The following ASCC2 variants were observed in gnomAD, a reference collection of about 807,000 sequenced individuals.
ASCC2 encodes the protein ASC-1 complex subunit P100.
A neutral mutation model predicts 93.5 loss-of-function variants in ASCC2; 42 were observed. The observed-to-expected ratio is 0.45, with a 90% CI of 0.35 to 0.58. The LOEUF is 0.58. ASCC2 is among the 20% of genes least tolerant of loss of function. The probability of loss-of-function intolerance (pLI) is 0.00; values close to 1 mark genes in which losing one functional copy is unlikely to be tolerated. For missense variants in ASCC2, 859 were observed against 977.6 expected, an observed-to-expected ratio of 0.88 and a Z score of 1.62; for synonymous variants, 364 against 384.2, an observed-to-expected ratio of 0.95 and a Z score of 0.62.
rs2068468425 is a variant in ASCC2, at chr22:29,788,806, C to T, written c.*207G>A. 5 of 598,172 alleles carry T rather than the reference C, an allele frequency of 8.4e-6. No homozygotes were observed. Among genetic ancestry groups the T allele is most frequent in the African/African-American group, 1.9e-5 (1 of 53,686 alleles). 37.1% of individuals were successfully genotyped at this position (598,172 alleles called of 1,614,324 possible). A position where few individuals can be genotyped will look rare whatever the true frequency, so the allele number is the denominator to read the frequency against. On this transcript the variant is annotated 3_prime_UTR_variant, in exon 20 of 20. Transcript: ENST00000307790. Reference sequence around the variant, plus strand: ...CTGCTTGCCGGCCCCACGGATTCTTCGGCTGTGGCATAAGGCACTGTGTGT... The same window carrying T: ...CTGCTTGCCGGCCCCACGGATTCTTTGGCTGTGGCATAAGGCACTGTGTGT...
In ASCC2 at chr22:29,788,954, T is replaced by A. The variant is rs1372021112; in HGVS notation, c.*59A>T. ...CCCCTAGTGAGGAGGCCCCAGGCGA[T>A]GGGAGCACGGCCTGGTGAGTCTGGT... is the stretch of plus-strand genomic sequence containing the variant. On this transcript the variant is annotated 3_prime_UTR_variant, in exon 20 of 20. Coordinates refer to ENST00000307790, the MANE Select transcript of ASCC2 (RefSeq NM_032204.5). 3.1e-6 allele frequency: 5 copies of A among 1,604,806 alleles called. No homozygotes were observed. In the Admixed American group the frequency reaches 5.0e-5, roughly 16 times the overall value.
intron 10 of ASCC2, 114 bp downstream of exon 10, chr22:29,806,683 C>A (rs2147801528): frequency 7.1e-7 from 1 of 1,418,430 alleles, no homozygotes; most frequent in Non-Finnish European, 9.8e-7. Context: ...GGTTTCTCAT[C>A]TCTGTTCAGC....
Position 29,822,393 on chromosome 22 carries a change from G to A in ASCC2, c.483C>T (p.Ile161=), listed in dbSNP as rs772435329. ...TTCCAAAGAGCACGCAGAGGTCCAGGATCTTTGGAATGTCAAAGAGGAAGT... is the reference window on the plus strand; with the variant it reads ...TTCCAAAGAGCACGCAGAGGTCCAGAATCTTTGGAATGTCAAAGAGGAAGT... The part of the protein sequence containing the change: ...YNNFLFDIPK[I]LDLCVLFGKG... Residue 161 remains isoleucine (I), a synonymous_variant, in exon 5 of 20, where the codon ATC becomes ATT. Transcript: ENST00000307790. 2.5e-6 allele frequency: 4 copies of A among 1,614,100 alleles called. No homozygotes were observed. Among genetic ancestry groups the A allele is most frequent in the Non-Finnish European group, 2.5e-6 (3 of 1,180,010 alleles).
chr22:29,832,156 T>C, intron 2 of ASCC2, 89 bp downstream of exon 2: 3 of 1,158,312 alleles, frequency 2.6e-6, no homozygotes, highest in Non-Finnish European at 3.8e-6. Flanking sequence ...GTGTCATTCT[T>C]GGAACAGATA....
In ASCC2 at chr22:29,823,037, T is replaced by A. The variant is rs143173697; in HGVS notation, c.412-573A>T. Among the ~76,000 whole-genome samples the A allele has an allele frequency of 1.6e-3, 244 of 150,150 alleles. 1 individual carries two copies. Among genetic ancestry groups the A allele is most frequent in the African/African-American group, 5.4e-3 (220 of 40,808 alleles). ...GCCCAGCCTCCCCTTTAAAAAAAAT[T>A]TTTTTTTAAATTTTATTTTTTGAGA... On this transcript the variant is annotated intron_variant, in intron 4 of 19. Transcript: ENST00000307790.
intron 2 of ASCC2, among the ~76,000 whole-genome samples, chr22:29,828,903 A>C (rs961382555): frequency 6.6e-6 from 1 of 152,222 alleles, no homozygotes; most frequent in Non-Finnish European, 1.5e-5. Flanking sequence ...GGCTGGGTAC[A>C]GTGGCTCATG....
At chr22:29,812,858 A>G (rs556776215) in intron 8 of ASCC2, among the ~76,000 whole-genome samples, 31 of 148,956 alleles carry the variant, frequency 2.1e-4, no homozygotes, top group Non-Finnish European at 3.6e-4. Context: ...AGGCTACTCT[A>G]TTGAACTGAA....
chr22:29,820,001 A>T (rs568656891), intron 5 of ASCC2, among the ~76,000 whole-genome samples: 23 of 152,198 alleles, frequency 1.5e-4, no homozygotes, highest in African/African-American at 5.5e-4. Flanking sequence ...CTGAGACTAC[A>T]GGGGCATGCC....
chr22:29,800,911 G>A, intron 15 of ASCC2, 80 bp downstream of exon 15: 1 of 1,491,980 alleles, frequency 6.7e-7, no homozygotes, highest in Non-Finnish European at 9.0e-7. Context: ...ATTCTGCGAA[G>A]ATGGAGCCCT....
intron 13 of ASCC2, among the ~76,000 whole-genome samples, chr22:29,804,328 A>C (rs1172564967): frequency 6.6e-6 from 1 of 151,678 alleles, no homozygotes; most frequent in Non-Finnish European, 1.5e-5. Flanking sequence ...ATCTATTTAG[A>C]GGAGAGCTCC....
intron 12 of ASCC2, 26 bp downstream of exon 12, chr22:29,806,190 C>T (rs776085330): frequency 3.6e-5 from 58 of 1,610,696 alleles, no homozygotes; most frequent in Non-Finnish European, 4.8e-5. Flanking sequence ...TGGGCCCTGT[C>T]GTAGTGGGCT....
At chr22:29,826,031 G>C (rs776519072) in intron 2 of ASCC2, 13 of 394,068 alleles carry the variant, frequency 3.3e-5, no homozygotes, top group Non-Finnish European at 5.5e-5. Context: ...GAGAAAGCAG[G>C]ATACAAAACT....
At chr22:29,816,096 G>A in intron 5 of ASCC2, 23 bp from the exon 6 acceptor site, 2 of 1,568,546 alleles carry the variant, frequency 1.3e-6, no homozygotes, top group South Asian at 2.3e-5. Flanking sequence ...GAGAAAGGTT[G>A]GAATTGAGAA....
At chr22:29,789,268 C>A in intron 19 of ASCC2, 84 bp from the exon 20 acceptor site, 1 of 1,524,924 alleles carries the variant, frequency 6.6e-7, no homozygotes, top group Non-Finnish European at 9.0e-7. Flanking sequence ...CCTTGGTGTT[C>A]ACTGGGAGAG....
intron 15 of ASCC2, among the ~76,000 whole-genome samples, chr22:29,795,675 C>T (rs571484837): frequency 1.3e-5 from 2 of 152,240 alleles, no homozygotes; most frequent in East Asian, 3.9e-4. Context: ...TGAGGAAACT[C>T]GGGTGCATTG....
chr22:29,835,667 T>C (rs753797857), intron 1 of ASCC2, among the ~76,000 whole-genome samples: 2 of 152,142 alleles, frequency 1.3e-5, no homozygotes, highest in African/African-American at 4.8e-5. Flanking sequence ...CTATGAGAAG[T>C]AATCAATGTG....
chr22:29,806,663 C>A (rs943770802), intron 10 of ASCC2, 110 bp from the exon 11 acceptor site: 2 of 1,429,328 alleles, frequency 1.4e-6, no homozygotes, highest in Non-Finnish European at 1.9e-6. Context: ...AGGAATGAGG[C>A]ATTTTTCTTG....
chr22:29,801,146 C>T (rs1601879755), intron 14 of ASCC2, 36 bp from the exon 15 acceptor site: 3 of 1,562,746 alleles, frequency 1.9e-6, no homozygotes, highest in Non-Finnish European at 2.6e-6. Flanking sequence ...TTAAGGGGGC[C>T]CTGCCAGCTG....
At chr22:29,802,713 C>T (rs747101386) in intron 13 of ASCC2, among the ~76,000 whole-genome samples, 3 of 151,896 alleles carry the variant, frequency 2.0e-5, no homozygotes, top group Non-Finnish European at 4.4e-5. Context: ...GAGGCCGAGA[C>T]GGGTGGACTG....
Sources: allele counts gnomAD v4.1 joint callset (sites outside exome capture counted in the v4.1 genomes callset), GRCh38; gene constraint gnomAD v4.1.1; transcripts MANE v1.5; gene names NCBI Gene and HGNC (gene_info 2026-07-23, HGNC 2026-07-21).